The following PSD3 variants were observed in gnomAD, a reference collection of about 807,000 sequenced individuals.
PSD3 encodes the protein pleckstrin and Sec7 domain containing 3.
In PSD3, 49 loss-of-function variants were observed where a neutral mutation model predicts 105.5. The ratio of observed to expected loss-of-function variants is 0.46; its 90% CI spans 0.37 to 0.59. The LOEUF is 0.59. PSD3 is among the 20% of genes least tolerant of loss of function. The pLI is 0.00. For missense variants in PSD3, 1,561 were observed against 1,263.8 expected (o/e 1.24, Z -3.57); for synonymous variants, 557 against 457.8 (o/e 1.22, Z -2.77).
intron 4 of PSD3, among the ~76,000 whole-genome samples, chr8:18,850,911 T>C (rs1026916354): frequency 3.3e-5 from 5 of 152,058 alleles, no homozygotes; most frequent in African/African-American, 9.7e-5. Context: ...AGAAACTCTA[T>C]TGCCCCCCCT....
chr8:18,877,846 C>T (rs975486366), intron 2 of PSD3, among the ~76,000 whole-genome samples: 2 of 152,138 alleles, frequency 1.3e-5, no homozygotes, highest in African/African-American at 4.8e-5. Context: ...TGGCTAGATG[C>T]CTATCTTTAT....
chr8:18,963,508 G>A (rs1824053435), intron 1 of PSD3, among the ~76,000 whole-genome samples: 1 of 152,002 alleles, frequency 6.6e-6, no homozygotes, highest in Admixed American at 6.6e-5. Flanking sequence ...AAATTGCAAA[G>A]CATCAACAAG....
intron 1 of PSD3, among the ~76,000 whole-genome samples, chr8:18,977,213 C>A (rs1479848327): frequency 6.8e-6 from 1 of 146,134 alleles, no homozygotes; most frequent in Non-Finnish European, 1.5e-5. Context: ...TGAGCTGAGA[C>A]TGCACCACTG....
At chr8:18,692,946 C>T (rs1434021958) in intron 9 of PSD3, among the ~76,000 whole-genome samples, 1 of 152,154 alleles carries the variant, frequency 6.6e-6, no homozygotes, top group Non-Finnish European at 1.5e-5. Flanking sequence ...AAATTCACTA[C>T]CGGGGGTAGA....
chr8:18,637,059 C>CT (rs1470890888), intron 10 of PSD3, among the ~76,000 whole-genome samples: 1 of 152,214 alleles, frequency 6.6e-6, no homozygotes, highest in Non-Finnish European at 1.5e-5. Flanking sequence ...AGTGAGAAAA[C>CT]TGGCTTTCAC....
At chr8:18,763,006 C>A (rs1297045172) in intron 9 of PSD3, 1 of 941,194 alleles carries the variant, frequency 1.1e-6, no homozygotes, top group Non-Finnish European at 1.5e-6. Context: ...GTTTCAGCAT[C>A]TTCTCCAATC....
At chr8:18,681,571 CTG>C (rs1273918960) in intron 9 of PSD3, among the ~76,000 whole-genome samples, 14 of 150,366 alleles carry the variant, frequency 9.3e-5, no homozygotes, top group Non-Finnish European at 1.5e-5. Context: ...AAACGTGTAA[CTG>C]TGGATAAAAA....
intron 1 of PSD3, among the ~76,000 whole-genome samples, chr8:19,059,359 G>A (rs572591445): frequency 2.6e-5 from 4 of 151,766 alleles, no homozygotes; most frequent in East Asian, 3.9e-4. Context: ...CTACTTCTGC[G>A]GATGATGGAA....
chr8:18,566,581 T>C (rs939365701), intron 14 of PSD3, among the ~76,000 whole-genome samples: 2 of 151,728 alleles, frequency 1.3e-5, no homozygotes, highest in African/African-American at 4.8e-5. Context: ...ATCTCATTTT[T>C]CTAGATGGAA....
intron 14 of PSD3, among the ~76,000 whole-genome samples, chr8:18,567,942 C>T (rs6987039): frequency 0.37 from 56,711 of 152,068 alleles, 10,592 homozygotes; most frequent in East Asian, 0.51. Context: ...CTTGATGCCA[C>T]GCTTATGATA....
intron 1 of PSD3, among the ~76,000 whole-genome samples, chr8:18,980,465 T>A (rs536200000): frequency 6.6e-6 from 1 of 152,278 alleles, no homozygotes; most frequent in Admixed American, 6.5e-5. Flanking sequence ...CGTTGGTTGG[T>A]TGGTTGGTTG....
intron 1 of PSD3, among the ~76,000 whole-genome samples, chr8:18,959,781 G>C (rs17384514): frequency 0.41 from 61,827 of 152,044 alleles, 12,805 homozygotes; most frequent in African/African-American, 0.44. Flanking sequence ...GCAAGGCCAG[G>C]TCTGTTAACA....
intron 2 of PSD3, among the ~76,000 whole-genome samples, chr8:18,888,775 A>G (rs1818594556): frequency 6.6e-6 from 1 of 152,204 alleles, no homozygotes; most frequent in South Asian, 2.1e-4. Flanking sequence ...TGAATCACCA[A>G]TTCCCTATGA....
At chr8:18,589,084 G>T (rs1398400476) in intron 12 of PSD3, among the ~76,000 whole-genome samples, 1 of 152,124 alleles carries the variant, frequency 6.6e-6, no homozygotes, top group African/African-American at 2.4e-5. Context: ...AATTTCAAAG[G>T]GTTCTTCCTT....
At chr8:18,603,200 C>G (rs907779729) in intron 11 of PSD3, among the ~76,000 whole-genome samples, 1 of 152,210 alleles carries the variant, frequency 6.6e-6, no homozygotes, top group African/African-American at 2.4e-5. Flanking sequence ...GGTCCAAAGA[C>G]AATCAATTGC....
intron 1 of PSD3, among the ~76,000 whole-genome samples, chr8:18,996,173 CT>C (rs1170793283): frequency 7.9e-5 from 12 of 151,198 alleles, no homozygotes; most frequent in African/African-American, 3.0e-4. Flanking sequence ...AACATGGGGC[CT>C]TTTGTGTTTA....
chr8:18,540,879 T>A (rs1293422718), intron 15 of PSD3, among the ~76,000 whole-genome samples: 1 of 152,122 alleles, frequency 6.6e-6, no homozygotes, highest in East Asian at 1.9e-4. Flanking sequence ...CGTGGCCCAG[T>A]CTCTCAGTTC....
chr8:19,035,105 C>T (rs548567190), intron 1 of PSD3, among the ~76,000 whole-genome samples: 23 of 152,236 alleles, frequency 1.5e-4, no homozygotes, highest in African/African-American at 5.5e-4. Context: ...TTCTGAGTAA[C>T]AAATATAAAA....
intron 8 of PSD3, among the ~76,000 whole-genome samples, chr8:18,789,767 G>C (rs974368531): frequency 2.0e-5 from 3 of 152,204 alleles, no homozygotes; most frequent in Admixed American, 2.0e-4. Context: ...GGAAACAAGA[G>C]TCAGGGGTTT....
Sources: gnomAD v4.1 joint callset for allele counts (sites outside exome capture counted in the v4.1 genomes callset) on GRCh38, gnomAD v4.1.1 for gene constraint, MANE v1.5 for transcripts, NCBI Gene and HGNC (gene_info 2026-07-23, HGNC 2026-07-21) for gene names.